Variants in TRPV5 observed in about 807,000 individuals in gnomAD.
TRPV5 encodes the protein calcium transport protein 2.
TRPV5 carries 66 observed loss-of-function variants against 74.1 expected under a neutral mutation model. The observed-to-expected ratio is 0.89, with a 90% CI of 0.73 to 1.09. TRPV5 has a LOEUF of 1.09. Ranked by LOEUF, TRPV5 falls within the 50% of genes least tolerant of loss-of-function variation. The pLI, the probability that TRPV5 is intolerant of heterozygous loss-of-function variation, is 0.00. For missense variants in TRPV5, 936 were observed against 930.4 expected, an observed-to-expected ratio of 1.01 and a Z score of -0.08; for synonymous variants, 399 against 360.7, an observed-to-expected ratio of 1.11 and a Z score of -1.20.
rs201247709 is a variant in TRPV5, at chr7:142,929,500, G to A, written c.415C>T (p.Arg139Cys). ...GCTCTGGCAGAGACACTGGCCCTGC[G>A]GGTGAGCAGGGCACGCACCAGGTTC... ...NVNLVRALLT[R>C]RASVSARATG... The change falls in exon 4 of 15, where the codon CGC becomes TGC. Residue 139 changes from arginine (R) to cysteine (C), a missense_variant. Transcript: ENST00000265310. The A allele has an allele frequency of 3.1e-5, 50 of 1,614,118 alleles. No individual in the cohort carries two copies. The East Asian group carries it at 7.4e-4, about 24-fold the overall frequency.
intron 8 of TRPV5, among the ~76,000 whole-genome samples, chr7:142,922,954 C>A (rs1795909628): frequency 6.6e-6 from 1 of 152,150 alleles, no homozygotes; most frequent in African/African-American, 2.4e-5. Flanking sequence ...TTACAAACAT[C>A]AGCTTTTGTG....
chr7:142,911,100 G>A (rs1428134044), intron 13 of TRPV5, among the ~76,000 whole-genome samples: 3 of 152,174 alleles, frequency 2.0e-5, no homozygotes, highest in Non-Finnish European at 4.4e-5. Flanking sequence ...AGAATACAAC[G>A]TGAGTGGGGC....
At chr7:142,914,386 G>A (rs897576624) in intron 12 of TRPV5, among the ~76,000 whole-genome samples, 4 of 152,152 alleles carry the variant, frequency 2.6e-5, no homozygotes, top group Non-Finnish European at 5.9e-5. Flanking sequence ...GATCTTGCAA[G>A]GCAGTTAGTG....
rs2116575588 is a variant in TRPV5, at chr7:142,912,519, C to T, written c.1751G>A (p.Arg584Lys). The stretch of plus-strand genomic sequence containing the variant: ...GAGCTCATCCCTCTCCTGGGCCACC[C>T]TCCAGTGGGTGTCGCCCATCATGGC... Reference protein sequence around the residue: ...FIAMMGDTHWRVAQERDELWR... With the variant: ...FIAMMGDTHWKVAQERDELWR... Residue 584 changes from arginine (R) to lysine (K), a missense_variant, in exon 13 of 15, where the codon AGG becomes AAG. Arg to Lys is a conservative substitution (Grantham distance 26, BLOSUM62 2). Transcript: ENST00000265310. 4 of 1,614,246 alleles carry T rather than the reference C, an allele frequency of 2.5e-6. No homozygotes were observed. In the East Asian group the frequency reaches 8.9e-5, roughly 36 times the overall value.
At position 142,933,461 on chromosome 7, in the gene TRPV5, T is replaced by A. The variant is rs1285213297; in HGVS notation, c.-2A>T. The A allele has an allele frequency of 6.2e-7, 1 of 1,612,618 alleles. No homozygotes were observed. Among genetic ancestry groups the A allele is most frequent in the Non-Finnish European group, 8.5e-7 (1 of 1,179,466 alleles). ...TGCCTTAGGTAGAAAACCCCCCATG[T>A]CTTCTCCTTGCAGACACTGGCAGAT... On this transcript the variant is annotated 5_prime_UTR_variant, in exon 1 of 15. Transcript: ENST00000265310.
In TRPV5 at chr7:142,933,679, T is replaced by C. The variant is rs4252370; in HGVS notation, c.-220A>G. The C allele has an allele frequency of 4.3e-3, 2,545 of 595,172 alleles. 60 individuals are homozygous for C. Among genetic ancestry groups the C allele is most frequent in the African/African-American group, 0.043 (2,273 of 53,278 alleles). The allele number at this position is 595,172 out of a possible 1,614,324, so 36.9% of individuals were successfully genotyped here. A position where few individuals can be genotyped will look rare whatever the true frequency, so the allele number is the denominator to read the frequency against. On this transcript the variant is annotated 5_prime_UTR_variant, in exon 1 of 15. Coordinates refer to ENST00000265310, the MANE Select transcript of TRPV5 (RefSeq NM_019841.7). ...GTGTATGCACAGTGTGTGGCTGTGG[T>C]GTATGTGTGTGCATGCAGTGTGTGG...
At chr7:142,916,429 T>C (rs1795799401) in intron 8 of TRPV5, among the ~76,000 whole-genome samples, 1 of 152,242 alleles carries the variant, frequency 6.6e-6, no homozygotes, top group Non-Finnish European at 1.5e-5. Context: ...CTTATGTTTT[T>C]GAAGTTATGA....
chr7:142,927,758 A>G (rs2116603669), intron 7 of TRPV5, among the ~76,000 whole-genome samples: 2 of 151,658 alleles, frequency 1.3e-5, no homozygotes, highest in Middle Eastern at 6.8e-3. Flanking sequence ...ACAATTTGAC[A>G]TGAAATTTTT....
chr7:142,909,919 C>T (rs1795677807), intron 13 of TRPV5, among the ~76,000 whole-genome samples: 1 of 152,152 alleles, frequency 6.6e-6, no homozygotes, highest in Admixed American at 6.5e-5. Flanking sequence ...CCAATTATCT[C>T]GATTTAAATA....
intron 12 of TRPV5, 28 bp downstream of exon 12, chr7:142,914,612 T>A: frequency 1.9e-6 from 3 of 1,597,736 alleles, no homozygotes; most frequent in Non-Finnish European, 2.6e-6. Flanking sequence ...GATCTGCTGA[T>A]CTAGTAGAGG....
rs1432280598 is a variant in TRPV5, at chr7:142,919,176, T to C, written c.1123-3608A>G. 2.6e-5 allele frequency among the ~76,000 whole-genome samples: 4 copies of C among 152,210 alleles called. No individual in the cohort carries two copies. In the East Asian group the frequency reaches 7.7e-4, roughly 29 times the overall value. ...GGTCATGTGTCTCTCCTGGGACATG[T>C]GGGGCTGCTGTGTATTGACAGCCCT... On this transcript the variant is annotated intron_variant, in intron 8 of 14. Transcript: ENST00000265310.
intron 7 of TRPV5, among the ~76,000 whole-genome samples, chr7:142,927,573 C>A (rs1278940921): frequency 1.3e-5 from 2 of 152,144 alleles, no homozygotes; most frequent in Non-Finnish European, 2.9e-5. Context: ...GCACATCCTA[C>A]ATGGCCGGAG....
At chr7:142,914,819 C>A in intron 11 of TRPV5, 62 bp downstream of exon 11, 1 of 1,610,332 alleles carries the variant, frequency 6.2e-7, no homozygotes, top group Non-Finnish European at 8.5e-7. Flanking sequence ...CATTCTACCT[C>A]CATCCCTCTG....
At chr7:142,919,272 G>A (rs1795846413) in intron 8 of TRPV5, among the ~76,000 whole-genome samples, 1 of 152,200 alleles carries the variant, frequency 6.6e-6, no homozygotes, top group Non-Finnish European at 1.5e-5. Flanking sequence ...TGAGGGCAGG[G>A]ATGCCTCCCT....
chr7:142,925,275 C>T (rs1452379607), intron 8 of TRPV5: 2 of 560,972 alleles, frequency 3.6e-6, no homozygotes, highest in Non-Finnish European at 6.3e-6. Context: ...TTCACAAAAG[C>T]ACAGGCTTAC....
In TRPV5 at chr7:142,928,734, C is replaced by A. The variant is rs1276056842; in HGVS notation, c.719G>T (p.Gly240Val). The change falls in exon 6 of 15, where the codon GGT (glycine) becomes GTT (valine). Residue 240 changes from glycine (G) to valine (V), a missense_variant. By Grantham distance (109) the Gly-to-Val change is moderately radical. Coordinates refer to ENST00000265310, the MANE Select transcript of TRPV5 (RefSeq NM_019841.7). ...TCCAGCCAGCTTGAAGGGGGTGAGA[C>A]CCTGGTGATTGGGCACAAGGTCCAG... ...QPLDLVPNHQ[G>V]LTPFKLAGVE... is the part of the protein sequence containing the mutation. 5 of 1,614,026 alleles carry A rather than the reference C, an allele frequency of 3.1e-6. No individual in the cohort carries two copies. The South Asian group carries it at 3.3e-5, about 11-fold the overall frequency.
In TRPV5 at chr7:142,912,747, A is replaced by G. The variant is rs1586214417; in HGVS notation, c.1523T>C (p.Phe508Ser). 1 of 1,612,856 alleles carries G rather than the reference A, an allele frequency of 6.2e-7. No individual in the cohort carries two copies. ...GTCCTCTGTCTGGAAAATGATATAG[A>G]ACGCTGCTCCGCCCAGGAAGAGGAC... ...AVVILGFASA[F>S]YIIFQTEDPT... The change falls in exon 13 of 15, where the codon TTC becomes TCC. Residue 508 changes from phenylalanine (F) to serine (S), a missense_variant. Coordinates refer to ENST00000265310, the MANE Select transcript of TRPV5 (RefSeq NM_019841.7).
intron 10 of TRPV5, 61 bp downstream of exon 10, chr7:142,915,246 C>T: frequency 6.3e-7 from 1 of 1,592,052 alleles, no homozygotes; most frequent in Non-Finnish European, 8.6e-7. Flanking sequence ...AGAGAGTGAG[C>T]TGGAGACAGG....
At chr7:142,921,145 C>T (rs1795880198) in intron 8 of TRPV5, among the ~76,000 whole-genome samples, 1 of 152,130 alleles carries the variant, frequency 6.6e-6, no homozygotes, top group African/African-American at 2.4e-5. Flanking sequence ...CAAATAGATC[C>T]CACGGACTGT....
Sources: allele counts gnomAD v4.1 joint callset (sites outside exome capture counted in the v4.1 genomes callset), GRCh38; gene constraint gnomAD v4.1.1; transcripts MANE v1.5; gene names NCBI Gene and HGNC (gene_info 2026-07-23, HGNC 2026-07-21).